The following LRP1B variants were observed in gnomAD, a reference collection of about 807,000 sequenced individuals.
LRP1B encodes LDL receptor related protein 1B.
In LRP1B, 217 loss-of-function variants were observed where a neutral mutation model predicts 556.6. That is an observed-to-expected ratio of 0.39 (90% CI 0.35 to 0.44). LRP1B has a LOEUF of 0.44. Ranked by LOEUF, LRP1B falls within the 20% of genes least tolerant of loss-of-function variation. The pLI is 1.00. For missense variants in LRP1B, 5,053 were observed against 5,620.8 expected (o/e 0.90, Z 3.23); for synonymous variants, 2,047 against 1,865.8 (o/e 1.10, Z -2.50).
chr2:141,150,394 A>C (rs1701891388), intron 7 of LRP1B, among the ~76,000 whole-genome samples: 1 of 152,126 alleles, frequency 6.6e-6, no homozygotes, highest in Admixed American at 6.6e-5. Flanking sequence ...CAGATCACAA[A>C]ACTTTCTCTA....
chr2:140,847,342 A>T (rs568605024), intron 29 of LRP1B, among the ~76,000 whole-genome samples: 1 of 152,168 alleles, frequency 6.6e-6, no homozygotes, highest in Non-Finnish European at 1.5e-5. Context: ...AACATTAAAA[A>T]CTTATCTTAT....
chr2:141,085,744 AC>A (rs1700035273), intron 7 of LRP1B, among the ~76,000 whole-genome samples: 1 of 152,242 alleles, frequency 6.6e-6, no homozygotes, highest in Admixed American at 6.5e-5. Flanking sequence ...TAATATGGAT[AC>A]AATAGCATTG....
chr2:141,311,518 T>C (rs1372221695), intron 3 of LRP1B, among the ~76,000 whole-genome samples: 1 of 152,166 alleles, frequency 6.6e-6, no homozygotes, highest in Non-Finnish European at 1.5e-5. Flanking sequence ...AAACTTCACA[T>C]ACTGGAAACT....
At chr2:141,037,031 T>C (rs1221929955) in intron 11 of LRP1B, among the ~76,000 whole-genome samples, 1 of 151,944 alleles carries the variant, frequency 6.6e-6, no homozygotes, top group Non-Finnish European at 1.5e-5. Context: ...GAGAACCTTT[T>C]TTTGCATCCA....
intron 2 of LRP1B, among the ~76,000 whole-genome samples, chr2:141,518,122 TAA>T (rs56316293): frequency 0.61 from 91,284 of 150,496 alleles, 27,916 homozygotes; most frequent in South Asian, 0.7. Flanking sequence ...AGGTTATCTT[TAA>T]AAAAAAAAAA....
intron 63 of LRP1B, among the ~76,000 whole-genome samples, chr2:140,446,198 A>G (rs1686653189): frequency 6.6e-6 from 1 of 152,086 alleles, no homozygotes; most frequent in African/African-American, 2.4e-5. Flanking sequence ...CTTTGTATAC[A>G]ATTTTCTCTA....
chr2:141,780,067 T>C (rs1695202547), intron 2 of LRP1B, among the ~76,000 whole-genome samples: 1 of 149,932 alleles, frequency 6.7e-6, no homozygotes, highest in African/African-American at 2.5e-5. Context: ...CTAGATAATT[T>C]GCATATAAAC....
chr2:140,504,573 G>C (rs1689327263), intron 53 of LRP1B, among the ~76,000 whole-genome samples: 1 of 152,140 alleles, frequency 6.6e-6, no homozygotes, highest in Non-Finnish European at 1.5e-5. Context: ...AGCTTTATGT[G>C]ATTGTCTGAT....
chr2:142,003,847 T>C (rs944339175), intron 1 of LRP1B, among the ~76,000 whole-genome samples: 5 of 152,222 alleles, frequency 3.3e-5, no homozygotes, highest in Admixed American at 1.3e-4. Context: ...GAACATGGGC[T>C]CTGCTCTGGA....
intron 77 of LRP1B, among the ~76,000 whole-genome samples, chr2:140,342,788 A>C (rs546497923): frequency 1.3e-4 from 19 of 151,756 alleles, no homozygotes; most frequent in African/African-American, 4.1e-4. Flanking sequence ...ATATACACAT[A>C]AATGCATTCA....
chr2:140,693,666 T>C (rs926241643), intron 41 of LRP1B, among the ~76,000 whole-genome samples: 1 of 151,998 alleles, frequency 6.6e-6, no homozygotes, highest in East Asian at 1.9e-4. Context: ...TTGTTATTAC[T>C]AGCTTAAGAA....
chr2:141,107,890 TAAGTG>T (rs1700646899), intron 7 of LRP1B, among the ~76,000 whole-genome samples: 1 of 152,116 alleles, frequency 6.6e-6, no homozygotes, highest in Non-Finnish European at 1.5e-5. Flanking sequence ...TGTATGTAAC[TAAGTG>T]AAGTTTGCTA....
At chr2:140,809,505 T>C (rs1472780736) in intron 32 of LRP1B, among the ~76,000 whole-genome samples, 1 of 152,170 alleles carries the variant, frequency 6.6e-6, no homozygotes, top group African/African-American at 2.4e-5. Context: ...TTAACATTTA[T>C]GTTAGAGCTA....
intron 2 of LRP1B, among the ~76,000 whole-genome samples, chr2:141,607,832 G>C (rs866230169): frequency 5.3e-5 from 8 of 152,250 alleles, no homozygotes; most frequent in Middle Eastern, 3.4e-3. Flanking sequence ...CTGAGGAGGG[G>C]GGATCGCTTG....
chr2:140,427,140 G>A (rs1327944419), intron 66 of LRP1B, among the ~76,000 whole-genome samples: 1 of 152,184 alleles, frequency 6.6e-6, no homozygotes, highest in East Asian at 1.9e-4. Flanking sequence ...ACGGACTCGG[G>A]AAGGCAGCCT....
rs549276355 is a variant in LRP1B, at chr2:140,259,325, A to G, written c.13247+10917T>C. On this transcript the variant is annotated intron_variant, in intron 86 of 90. Transcript: ENST00000389484. ...AGGCAAAGAGAAGAGAAAATGAAAT[A>G]AATCAAGTTTTTCTAGTAAGTTAAG... 5.3e-5 allele frequency among the ~76,000 whole-genome samples: 8 copies of G among 152,232 alleles called. No homozygotes were observed. The South Asian group carries it at 1.7e-3, about 32-fold the overall frequency.
chr2:140,797,608 C>T (rs938172781), intron 32 of LRP1B, among the ~76,000 whole-genome samples: 1 of 151,958 alleles, frequency 6.6e-6, no homozygotes, highest in Non-Finnish European at 1.5e-5. Flanking sequence ...ATGAAAGATA[C>T]AAGCTTTCAA....
chr2:140,591,618 A>G (rs1682229229), intron 43 of LRP1B, among the ~76,000 whole-genome samples: 1 of 152,180 alleles, frequency 6.6e-6, no homozygotes, highest in African/African-American at 2.4e-5. Context: ...TGATAGCTAT[A>G]TAGTCTAGTG....
intron 1 of LRP1B, among the ~76,000 whole-genome samples, chr2:142,120,773 G>A (rs2105011881): frequency 6.6e-6 from 1 of 152,220 alleles, no homozygotes; most frequent in East Asian, 1.9e-4. Flanking sequence ...AAAGAATACT[G>A]TGAGTCAGAC....
Sources: gnomAD v4.1 joint callset for allele counts (sites outside exome capture counted in the v4.1 genomes callset) on GRCh38, gnomAD v4.1.1 for gene constraint, MANE v1.5 for transcripts, NCBI Gene and HGNC (gene_info 2026-07-23, HGNC 2026-07-21) for gene names.